Variants in SPHK1 observed in about 807,000 individuals in gnomAD.
SPHK1 encodes the protein sphingosine kinase 1.
A neutral mutation model predicts 14.6 loss-of-function variants in SPHK1; 10 were observed. That is an observed-to-expected ratio of 0.68 (90% CI 0.42 to 1.16). The LOEUF (loss-of-function observed/expected upper bound fraction) is 1.16, where lower values mean the gene tolerates loss of function less well. SPHK1 is among the 50% of genes most tolerant of loss of function. SPHK1 has a pLI of 0.00. For missense variants in SPHK1, 553 were observed against 525.4 expected, an observed-to-expected ratio of 1.05 and a Z score of -0.51; for synonymous variants, 274 against 224.0, an observed-to-expected ratio of 1.22 and a Z score of -1.99.
Position 76,386,991 on chromosome 17 carries a change from T to A in SPHK1, c.560T>A (p.Leu187Gln). 1 of 1,613,646 alleles carries A rather than the reference T, an allele frequency of 6.2e-7. No homozygotes were observed. The highest frequency in any genetic ancestry group is 8.5e-7 in the Non-Finnish European group (1 of 1,179,958). Residue 187 changes from leucine (L) to glutamine (Q), a missense_variant, in exon 6 of 6, where the codon CTG becomes CAG. Leu to Gln is a moderately radical substitution (Grantham distance 113). Transcript: ENST00000592299. The surrounding 1 kb of genome is among the most constrained non-coding windows in gnomAD (Gnocchi z 5.3). Reference protein sequence around the residue: ...VDLESEKYRRLGEMRFTLGTF... With the variant: ...VDLESEKYRRQGEMRFTLGTF... Reference sequence around the variant, plus strand: ...CTAGAGAGTGAGAAGTATCGGCGTCTGGGGGAGATGCGCTTCACTCTGGGC... The same window carrying A: ...CTAGAGAGTGAGAAGTATCGGCGTCAGGGGGAGATGCGCTTCACTCTGGGC...
In SPHK1 at chr17:76,386,120, T is replaced by C; in HGVS notation, c.146T>C (p.Phe49Ser). 6.3e-7 allele frequency: 1 copy of C among 1,596,944 alleles called. No individual in the cohort carries two copies. Among genetic ancestry groups the C allele is most frequent in the Non-Finnish European group, 8.5e-7 (1 of 1,170,792 alleles). The change falls in exon 3 of 6, where the codon TTC becomes TCC. Residue 49 changes from phenylalanine to serine, a missense_variant. Transcript: ENST00000592299. The surrounding 1 kb of genome is among the most constrained non-coding windows in gnomAD (Gnocchi z 5.3). ...CTTTTGGCTGAGGCTGAAATCTCCT[T>C]CACGCTGATGCTCACTGGTGAGTAC... ...QPLLAEAEISFTLMLTERRNH... is the reference protein window; with the variant it reads ...QPLLAEAEISSTLMLTERRNH...
upstream of SPHK1, chr17:76,383,672 C>A: frequency 2.5e-6 from 1 of 405,830 alleles, no homozygotes; most frequent in Non-Finnish European, 4.5e-6. Flanking sequence ...GCCGTAACCC[C>A]CCAGGGATCT....
Position 76,385,029 on chromosome 17 carries a change from T to C in SPHK1, c.-195+223T>C. 7 of 1,498,208 alleles carry C rather than the reference T, an allele frequency of 4.7e-6. No individual in the cohort carries two copies. The highest frequency in any genetic ancestry group is 6.3e-6 in the Non-Finnish European group (7 of 1,112,738). The allele number at this position is 1,498,208 out of a possible 1,614,324, so 92.8% of individuals were successfully genotyped here. A position where few individuals can be genotyped will look rare whatever the true frequency, so the allele number is the denominator to read the frequency against. On this transcript the variant is annotated intron_variant, in intron 1 of 5. Transcript: ENST00000592299. This position sits in a 1 kb window ranked among gnomAD's most constrained non-coding sequence, Gnocchi z 5.3. ...AAGCGCGCGCCGCGGCTCCCACCGC[T>C]CTGGAGCTCCGGGCAGGGGACACGG...
At position 76,387,610 on chromosome 17, in the gene SPHK1, G is replaced by A. The variant is rs755740765; in HGVS notation, c.*24G>A. The A allele has an allele frequency of 4.2e-5, 65 of 1,547,070 alleles. No homozygotes were observed. The highest frequency in any genetic ancestry group is 5.1e-5 in the Non-Finnish European group (59 of 1,150,926). ...GACCCCTGGGCCGCGCTGTGCCTTA[G>A]TGTCTACTTGCAGGACCCTTCCTCC... On this transcript the variant is annotated 3_prime_UTR_variant, in exon 6 of 6. Coordinates refer to ENST00000592299, the MANE Select transcript of SPHK1 (RefSeq NM_001142601.2). The surrounding 1 kb of genome is among the most constrained non-coding windows in gnomAD (Gnocchi z 4.1).
rs752711205 is a variant in SPHK1 at position 76,385,965 on chromosome 17, C to T, written c.11-20C>T. 3 of 1,588,572 alleles carry T rather than the reference C, an allele frequency of 1.9e-6. No individual in the cohort carries two copies. The highest frequency in any genetic ancestry group is 1.1e-5 in the South Asian group (1 of 89,196). On this transcript the variant is annotated intron_variant, in intron 2 of 5. Coordinates refer to ENST00000592299, the MANE Select transcript of SPHK1 (RefSeq NM_001142601.2). This position sits in a 1 kb window ranked among gnomAD's most constrained non-coding sequence, Gnocchi z 5.3. Reference sequence around the variant, plus strand: ...TAGTGGTCGGTTGCGGACGTGGCCTCTTTGGTTTTGTTTTCTCAGCGGGCG... The same window carrying T: ...TAGTGGTCGGTTGCGGACGTGGCCTTTTTGGTTTTGTTTTCTCAGCGGGCG...
rs2143637905 is a variant in SPHK1 at position 76,387,561 on chromosome 17, T to C, written c.1130T>C (p.Met377Thr). The stretch of plus-strand genomic sequence containing the variant: ...CCGCCCAGCTGGAAGCCCCAGCAGA[T>C]GCCACCGCCAGAAGAGCCCTTATGA... The part of the protein sequence containing the change: ...EPPPSWKPQQ[M>T]PPPEEPL The change falls in exon 6 of 6, where the codon ATG (methionine) becomes ACG (threonine). Residue 377 changes from methionine to threonine, a missense_variant. Met to Thr is a moderately conservative substitution (Grantham distance 81, BLOSUM62 -1). Transcript: ENST00000592299. This position sits in a 1 kb window ranked among gnomAD's most constrained non-coding sequence, Gnocchi z 4.1. 6.2e-7 allele frequency: 1 copy of C among 1,601,132 alleles called. No homozygotes were observed.
chr17:76,386,996 G>T lies in SPHK1; in HGVS notation c.565G>T (p.Glu189Ter), dbSNP rs199640616. 1.9e-6 allele frequency: 3 copies of T among 1,613,710 alleles called. No homozygotes were observed. The highest frequency in any genetic ancestry group is 1.1e-5 in the South Asian group (1 of 91,082). The change falls in exon 6 of 6, where the codon GAG becomes TAG. Residue 189 changes from glutamate (E) to a stop codon, truncating the protein, a stop_gained. Coordinates refer to ENST00000592299, the MANE Select transcript of SPHK1 (RefSeq NM_001142601.2). LOFTEE classifies it low-confidence loss of function (END_TRUNC). The surrounding 1 kb of genome is among the most constrained non-coding windows in gnomAD (Gnocchi z 5.3). ...LESEKYRRLG[E>*]MRFTLGTFLR... Reference sequence around the variant, plus strand: ...GAGTGAGAAGTATCGGCGTCTGGGGGAGATGCGCTTCACTCTGGGCACCTT... The same window carrying T: ...GAGTGAGAAGTATCGGCGTCTGGGGTAGATGCGCTTCACTCTGGGCACCTT...
chr17:76,384,848 G>A, intron 1 of SPHK1, 42 bp downstream of exon 1: 1 of 382,236 alleles, frequency 2.6e-6, no homozygotes, highest in Non-Finnish European at 4.7e-6. Context: ...CGTGGCTCCT[G>A]TGCGGCCCGC....
chr17:76,384,498 C>A (rs974459172), upstream of SPHK1: 1 of 150,236 alleles, frequency 6.7e-6, no homozygotes, highest in East Asian at 1.9e-4. Flanking sequence ...TGGGCGCGGG[C>A]CGTGCCGGAG....
At position 76,387,222 on chromosome 17, in the gene SPHK1, T is replaced by G; in HGVS notation, c.791T>G (p.Leu264Arg). The G allele has an allele frequency of 6.2e-7, 1 of 1,613,122 alleles. No homozygotes were observed. The highest frequency in any genetic ancestry group is 1.7e-4 in the Middle Eastern group (1 of 6,058). ...GACTTTGTGCTAGTCCTGGCACTGC[T>G]GCACTCGCACCTGGGCAGTGAGATG... ...DEDFVLVLAL[L>R]HSHLGSEMFA... Residue 264 changes from leucine (L) to arginine (R), a missense_variant, in exon 6 of 6, where the codon CTG becomes CGG. Coordinates refer to ENST00000592299, the MANE Select transcript of SPHK1 (RefSeq NM_001142601.2). This position sits in a 1 kb window ranked among gnomAD's most constrained non-coding sequence, Gnocchi z 4.1.
rs144246927 is a variant in SPHK1 at position 76,385,113 on chromosome 17, C to A, written c.-195+307C>A. 2.5e-5 allele frequency: 39 copies of A among 1,582,852 alleles called. No individual in the cohort carries two copies. In the African/African-American group the frequency reaches 4.6e-4, roughly 18 times the overall value. ...AGAACTTCGTGCCCAGCAATGTCCG[C>A]TCAAGTTCTGGGATTTTTACGCAGC... On this transcript the variant is annotated intron_variant, in intron 1 of 5. Coordinates refer to ENST00000592299, the MANE Select transcript of SPHK1 (RefSeq NM_001142601.2). This position sits in a 1 kb window ranked among gnomAD's most constrained non-coding sequence, Gnocchi z 5.3.
Position 76,386,628 on chromosome 17 carries a change from G to T in SPHK1, c.374+120G>T. 8.3e-7 allele frequency: 1 copy of T among 1,204,806 alleles called. No individual in the cohort carries two copies. Among genetic ancestry groups the T allele is most frequent in the East Asian group, 2.5e-5 (1 of 40,802 alleles). 74.6% of individuals were successfully genotyped at this position (1,204,806 alleles called of 1,614,324 possible). A position where few individuals can be genotyped will look rare whatever the true frequency, so the allele number is the denominator to read the frequency against. ...CCATTTCCCCTTCTCCCTTAGTCCT[G>T]GGGCCCTCTCCTGGTGACCCCAGCT... On this transcript the variant is annotated intron_variant, in intron 5 of 5. Transcript: ENST00000592299. The surrounding 1 kb of genome is among the most constrained non-coding windows in gnomAD (Gnocchi z 5.3).
upstream of SPHK1, chr17:76,383,959 C>G (rs959482216): frequency 9.7e-7 from 1 of 1,030,318 alleles, no homozygotes; most frequent in African/African-American, 1.8e-5. Flanking sequence ...GGACAGCGCG[C>G]TAGGCGGCCT....
At position 76,385,289 on chromosome 17, in the gene SPHK1, C is replaced by G. The variant is rs1041941049; in HGVS notation, c.-194-162C>G. The stretch of plus-strand genomic sequence containing the variant: ...AGGCGCCCTTCTCAGGGATTGTAGG[C>G]TTAGTCACACGGCGGGGGCGCCCTC... On this transcript the variant is annotated intron_variant, in intron 1 of 5. Coordinates refer to ENST00000592299, the MANE Select transcript of SPHK1 (RefSeq NM_001142601.2). The surrounding 1 kb of genome is among the most constrained non-coding windows in gnomAD (Gnocchi z 5.3). The G allele has an allele frequency of 5.4e-6, 8 of 1,478,110 alleles. 1 individual carries two copies. In the South Asian group the frequency reaches 8.1e-5, roughly 15 times the overall value. The allele number at this position is 1,478,110 out of a possible 1,614,324, so 91.6% of individuals were successfully genotyped here.
rs200800534 is a variant in SPHK1, at chr17:76,385,986, G to T, written c.12G>T (p.Ala4=). The T allele has an allele frequency of 6.3e-7, 1 of 1,595,166 alleles. No individual in the cohort carries two copies. Among genetic ancestry groups the T allele is most frequent in the South Asian group, 1.1e-5 (1 of 89,932 alleles). ...GCCTCTTTGGTTTTGTTTTCTCAGC[G>T]GGCGGCCCCCGGGGCGTGCTCCCGC... MDP[A]GGPRGVLPRP... The change falls in exon 3 of 6, where the codon GCG becomes GCT. Residue 4 remains alanine, a splice_region_variant and synonymous_variant. Coordinates refer to ENST00000592299, the MANE Select transcript of SPHK1 (RefSeq NM_001142601.2). This position sits in a 1 kb window ranked among gnomAD's most constrained non-coding sequence, Gnocchi z 5.3.
rs2071956536 is a variant in SPHK1, at chr17:76,385,569, G to A, written c.-76G>A. On this transcript the variant is annotated 5_prime_UTR_variant, in exon 2 of 6. Transcript: ENST00000592299. The surrounding 1 kb of genome is among the most constrained non-coding windows in gnomAD (Gnocchi z 5.3). ...TGGGCAGCACCGATAAGGAGCTGAA[G>A]GCAGGAGCCGCCGCCACGGGCAGCG... 1 of 1,539,402 alleles carries A rather than the reference G, an allele frequency of 6.5e-7. No homozygotes were observed. The highest frequency in any genetic ancestry group is 1.2e-5 in the South Asian group (1 of 84,440).
Position 76,385,438 on chromosome 17 carries a change from T to C in SPHK1, c.-194-13T>C. 1 of 1,522,780 alleles carries C rather than the reference T, an allele frequency of 6.6e-7. No individual in the cohort carries two copies. The highest frequency in any genetic ancestry group is 8.8e-7 in the Non-Finnish European group (1 of 1,140,322). The allele number at this position is 1,522,780 out of a possible 1,614,324, so 94.3% of individuals were successfully genotyped here. A position where few individuals can be genotyped will look rare whatever the true frequency, so the allele number is the denominator to read the frequency against. ...GGCCCCGGACTCCGCCAGCGCTGTC[T>C]TCTCTCCCTCAGGTCCAGCCGCCGC... On this transcript the variant is annotated splice_polypyrimidine_tract_variant and intron_variant, in intron 1 of 5. Transcript: ENST00000592299. The surrounding 1 kb of genome is among the most constrained non-coding windows in gnomAD (Gnocchi z 5.3).
upstream of SPHK1, chr17:76,384,501 T>TGCCGGAGGCGGCGCGCTGAG (rs1254647093): frequency 1.3e-4 from 19 of 149,966 alleles, no homozygotes; most frequent in Non-Finnish European, 1.9e-4. Flanking sequence ...GCGCGGGCCG[T>TGCCGGAGGCGGCGCGCTGAG]GCCGGAGGCG....
Position 76,386,967 on chromosome 17 carries a change from TAG to T in SPHK1, c.541_542del (p.Ser181Ter). 6.2e-7 allele frequency: 1 copy of T among 1,613,634 alleles called. No homozygotes were observed. The highest frequency in any genetic ancestry group is 2.2e-5 in the East Asian group (1 of 44,858). On this transcript the variant is annotated frameshift_variant, in exon 6 of 6. Transcript: ENST00000592299. LOFTEE classifies it low-confidence loss of function (END_TRUNC). The surrounding 1 kb of genome is among the most constrained non-coding windows in gnomAD (Gnocchi z 5.3). ...TGGGGCTTCATTGCTGATGTGGACCTAGAGAGTGAGAAGTATCGGCGTCTGGG... is the reference window on the plus strand; with the variant it reads ...TGGGGCTTCATTGCTGATGTGGACCTAGAGTGAGAAGTATCGGCGTCTGGG...
Sources: gnomAD v4.1 joint callset for allele counts on GRCh38, gnomAD v4.1.1 for gene constraint, Gnocchi (gnomAD v3.1) non-coding constraint, MANE v1.5 for transcripts, NCBI Gene and HGNC (gene_info 2026-07-23, HGNC 2026-07-21) for gene names.